TRIM43: variants seen among roughly 807,000 people sequenced by gnomAD.
TRIM43 encodes the protein tripartite motif-containing protein 43.
TRIM43 carries 12 observed loss-of-function variants against 27.7 expected under a neutral mutation model. The ratio of observed to expected loss-of-function variants is 0.43; its 90% CI spans 0.28 to 0.70. TRIM43 has a LOEUF of 0.70. Ranked by LOEUF, TRIM43 falls within the 30% of genes least tolerant of loss-of-function variation. The pLI, the probability that TRIM43 is intolerant of heterozygous loss-of-function variation, is 0.17. For missense variants in TRIM43, 186 were observed against 356.5 expected (o/e 0.52, Z 3.85); for synonymous variants, 64 against 121.9 (o/e 0.52, Z 3.13).
At chr2:95,593,444 C>G (rs997795642) in intron 1 of TRIM43, among the ~76,000 whole-genome samples, 1 of 151,676 alleles carries the variant, frequency 6.6e-6, no homozygotes, top group African/African-American at 2.4e-5. Context: ...TTAGCTTTAC[C>G]TTGGAGAGGT....
chr2:95,594,062 C>T lies in TRIM43; in HGVS notation c.39C>T (p.Leu13=). Residue 13 remains leucine, a synonymous_variant, in exon 2 of 7, where the codon CTC becomes CTT. Coordinates refer to ENST00000272395, the MANE Select transcript of TRIM43 (RefSeq NM_138800.3). The part of the protein sequence containing the change: ...SDFSHAFQKE[L]TCVICLNYLV... ...TCTCACATGCCTTCCAGAAGGAACT[C>T]ACCTGCGTCATCTGTTTGAACTACC... The T allele has an allele frequency of 1.2e-6, 2 of 1,613,124 alleles. No individual in the cohort carries two copies. Among genetic ancestry groups the T allele is most frequent in the Non-Finnish European group, 8.5e-7 (1 of 1,179,680 alleles).
At position 95,596,279 on chromosome 2, in the gene TRIM43, A is replaced by C. The variant is rs1370328335; in HGVS notation, c.585A>C (p.Lys195Asn). ...ATCCGGTTCTCCATAAGGAAGAAAA[A>C]CAACATTTAGAGAGACTGAACAAGG... Reference protein sequence around the residue: ...KLHPVLHKEEKQHLERLNKEY... With the variant: ...KLHPVLHKEENQHLERLNKEY... Residue 195 changes from lysine (K) to asparagine (N), a missense_variant, in exon 4 of 7, where the codon AAA becomes AAC. This residue lies in a region of TRIM43 where 91 missense variants were observed against 119.3 expected (regional missense o/e 0.76). Transcript: ENST00000272395. 1 of 1,609,480 alleles carries C rather than the reference A, an allele frequency of 6.2e-7. No individual in the cohort carries two copies. Among genetic ancestry groups the C allele is most frequent in the Non-Finnish European group, 8.5e-7 (1 of 1,177,742 alleles).
chr2:95,594,201 C>T lies in TRIM43; in HGVS notation c.178C>T (p.Pro60Ser), dbSNP rs1335427387. Residue 60 changes from proline (P) to serine (S), a missense_variant, in exon 2 of 7, where the codon CCG becomes TCG. Around this residue, in one of 6 missense-constraint regions of TRIM43, gnomAD observed 29 missense variants for 78.7 expected, o/e 0.37. Coordinates refer to ENST00000272395, the MANE Select transcript of TRIM43 (RefSeq NM_138800.3). ...ANCPACREPS[P>S]KMDFKTNILL... is the part of the protein sequence containing the mutation. ...CTGCCCTGCATGCAGGGAACCATCA[C>T]CGAAAATGGACTTCAAAACCAATAT... is the stretch of plus-strand genomic sequence containing the variant. 2 of 1,610,306 alleles carry T rather than the reference C, an allele frequency of 1.2e-6. No homozygotes were observed. Among genetic ancestry groups the T allele is most frequent in the East Asian group, 4.5e-5 (2 of 44,796 alleles).
chr2:95,592,997 C>A (rs1420126729), intron 1 of TRIM43, among the ~76,000 whole-genome samples: 2 of 151,132 alleles, frequency 1.3e-5, no homozygotes, highest in South Asian at 2.1e-4. Flanking sequence ...GCCGGGTTCA[C>A]GCCATTCTCC....
Position 95,596,217 on chromosome 2 carries a change from C to T in TRIM43, c.523C>T (p.Arg175Trp), listed in dbSNP as rs368012209. 62 of 1,610,310 alleles carry T rather than the reference C, an allele frequency of 3.9e-5. 2 individuals are homozygous for T. Among genetic ancestry groups the T allele is most frequent in the African/African-American group, 1.7e-4 (13 of 74,514 alleles). Residue 175 changes from arginine to tryptophan, a missense_variant, in exon 4 of 7, where the codon CGG (arginine) becomes TGG (tryptophan). By Grantham distance (101) the Arg-to-Trp change is moderately radical. Coordinates refer to ENST00000272395, the MANE Select transcript of TRIM43 (RefSeq NM_138800.3). ...ATCCCTACAGGGCAATGTGGTTTTACGGGCACAGATGATCAGGAATGAGTA... is the reference window on the plus strand; with the variant it reads ...ATCCCTACAGGGCAATGTGGTTTTATGGGCACAGATGATCAGGAATGAGTA... Reference protein sequence around the residue: ...AFLWRGNVVLRAQMIRNEYRK... With the variant: ...AFLWRGNVVLWAQMIRNEYRK...
At chr2:95,592,624 G>A (rs922471387) in intron 1 of TRIM43, among the ~76,000 whole-genome samples, 1 of 151,294 alleles carries the variant, frequency 6.6e-6, no homozygotes, top group Non-Finnish European at 1.5e-5. Flanking sequence ...GTTCACCTCC[G>A]CCTCTGAAAG....
In TRIM43 at chr2:95,594,343, A is replaced by G. The variant is rs745694062; in HGVS notation, c.320A>G (p.Asp107Gly). The change falls in exon 2 of 7, where the codon GAC (aspartate) becomes GGC (glycine). Residue 107 changes from aspartate to glycine, a missense_variant. Around this residue, in one of 6 missense-constraint regions of TRIM43, gnomAD observed 91 missense variants for 119.3 expected, o/e 0.76. Coordinates refer to ENST00000272395, the MANE Select transcript of TRIM43 (RefSeq NM_138800.3). Reference sequence around the variant, plus strand: ...ACAAAGAAGATGTTCTGTGACATGGACAAGAGTCTCCTCTGCTTGCTGTGC... The same window carrying G: ...ACAAAGAAGATGTTCTGTGACATGGGCAAGAGTCTCCTCTGCTTGCTGTGC... ...RQTKKMFCDM[D>G]KSLLCLLCSN... is the part of the protein sequence containing the mutation. The G allele has an allele frequency of 3.7e-6, 6 of 1,610,686 alleles. No individual in the cohort carries two copies. The South Asian group carries it at 6.6e-5, about 18-fold the overall frequency.
At position 95,592,102 on chromosome 2, in the gene TRIM43, A is replaced by C. The variant is rs1307556309; in HGVS notation, c.-52A>C. 1 of 151,734 alleles carries C rather than the reference A, an allele frequency of 6.6e-6. No homozygotes were observed. The highest frequency in any genetic ancestry group is 1.5e-5 in the Non-Finnish European group (1 of 67,950). The allele number at this position is 151,734 out of a possible 1,614,324, so 9.4% of individuals were successfully genotyped here. On this transcript the variant is annotated 5_prime_UTR_variant, in exon 1 of 7. Transcript: ENST00000272395. ...AGACTCTCATCCCTGAGCTGAATTC[A>C]TCTGATTCGACGGCAAGCTTTGGTG...
At position 95,599,723 on chromosome 2, in the gene TRIM43, A is replaced by C. The variant is rs1475221815; in HGVS notation, c.*150A>C. 7.4e-7 allele frequency: 1 copy of C among 1,356,786 alleles called. No individual in the cohort carries two copies. Among genetic ancestry groups the C allele is most frequent in the African/African-American group, 1.5e-5 (1 of 67,824 alleles). 84.0% of individuals were successfully genotyped at this position (1,356,786 alleles called of 1,614,324 possible). On this transcript the variant is annotated 3_prime_UTR_variant, in exon 7 of 7. Transcript: ENST00000272395. ...AAATAAAAAATTTGTAAAAGGCAAA[A>C]CTTTTTGTACATTTTCTTACAATTA...
rs185828707 is a variant in TRIM43, at chr2:95,594,548, G to A, written c.411+114G>A. 1,327 of 1,395,396 alleles carry A rather than the reference G, an allele frequency of 9.5e-4. 30 individuals carry two copies. In the African/African-American group the frequency reaches 0.017, roughly 18 times the overall value. The allele number at this position is 1,395,396 out of a possible 1,614,324, so 86.4% of individuals were successfully genotyped here. ...CATTCTTTACTGAGTGCCAGGTGCTGTTCTAGGTACCAATGATGACATTTT... is the reference window on the plus strand; with the variant it reads ...CATTCTTTACTGAGTGCCAGGTGCTATTCTAGGTACCAATGATGACATTTT... On this transcript the variant is annotated intron_variant, in intron 2 of 6. Coordinates refer to ENST00000272395, the MANE Select transcript of TRIM43 (RefSeq NM_138800.3).
intron 1 of TRIM43, among the ~76,000 whole-genome samples, chr2:95,593,243 T>C (rs991413053): frequency 2.6e-5 from 4 of 151,948 alleles, no homozygotes; most frequent in African/African-American, 9.7e-5. Context: ...ACTCTTTTCC[T>C]GACTGTGTGA....
rs1685318649 is a variant in TRIM43 at position 95,594,446 on chromosome 2, C to G, written c.411+12C>G. On this transcript the variant is annotated intron_variant, in intron 2 of 6. Coordinates refer to ENST00000272395, the MANE Select transcript of TRIM43 (RefSeq NM_138800.3). ...CTGAGGAACACCGGGTAAGAGATAG[C>G]TCTGTGATCACCTGAAAGCTGGAGG... 1 of 1,608,880 alleles carries G rather than the reference C, an allele frequency of 6.2e-7. No homozygotes were observed. The highest frequency in any genetic ancestry group is 1.1e-5 in the South Asian group (1 of 90,414).
intron 3 of TRIM43, among the ~76,000 whole-genome samples, 165 bp downstream of exon 3, chr2:95,595,310 T>C (rs1398701304): frequency 1.3e-5 from 2 of 151,702 alleles, no homozygotes; most frequent in South Asian, 4.2e-4. Flanking sequence ...TCAGGTTTTC[T>C]GTAAATGCTT....
chr2:95,595,018 T>C (rs770143391), intron 2 of TRIM43, 32 bp from the exon 3 acceptor site: 6 of 1,597,368 alleles, frequency 3.8e-6, no homozygotes, highest in Non-Finnish European at 5.1e-6. Flanking sequence ...GCATTTGACT[T>C]TCTGTTGTTC....
chr2:95,592,973 T>C (rs1364851690), intron 1 of TRIM43, among the ~76,000 whole-genome samples: 6 of 151,550 alleles, frequency 4.0e-5, no homozygotes, highest in African/African-American at 1.5e-4. Context: ...CTCGGCTCAC[T>C]GCAAGCTCCG....
intron 4 of TRIM43, among the ~76,000 whole-genome samples, 189 bp downstream of exon 4, chr2:95,596,621 AC>A (rs1158031792): frequency 5.7e-5 from 8 of 139,856 alleles, no homozygotes; most frequent in Middle Eastern, 3.5e-3. Context: ...GAATTGTGCA[AC>A]TAGATTTCCA....
At chr2:95,593,870 T>C in intron 1 of TRIM43, 150 bp from the exon 2 acceptor site, 49 of 1,460,730 alleles carry the variant, frequency 3.4e-5, no homozygotes, top group Non-Finnish European at 4.4e-5. Context: ...GCCTTAGTTT[T>C]CTGTTTTTCC....
chr2:95,593,033 A>G (rs1324883477), intron 1 of TRIM43, among the ~76,000 whole-genome samples: 2 of 151,432 alleles, frequency 1.3e-5, no homozygotes, highest in Non-Finnish European at 2.9e-5. Context: ...AGTAGCTGGG[A>G]CTACAGGCGT....
chr2:95,593,940 T>C, intron 1 of TRIM43, 80 bp from the exon 2 acceptor site: 1 of 1,545,150 alleles, frequency 6.5e-7, no homozygotes, highest in East Asian at 2.2e-5. Context: ...TATTATTCGA[T>C]CACGATCTGA....
Sources: gnomAD v4.1 joint callset for allele counts (sites outside exome capture counted in the v4.1 genomes callset) on GRCh38, gnomAD v4.1.1 for gene constraint, gnomAD v4.1.1 regional missense constraint, MANE v1.5 for transcripts, NCBI Gene and HGNC (gene_info 2026-07-23, HGNC 2026-07-21) for gene names.